Variants in MYLK4 observed in about 807,000 individuals in gnomAD.
The protein encoded by MYLK4 is caMLCK like.
A neutral mutation model predicts 48.1 loss-of-function variants in MYLK4; 46 were observed. The observed-to-expected ratio is 0.96, with a 90% CI of 0.75 to 1.22. MYLK4 has a LOEUF of 1.22. Among genes scored for constraint, MYLK4 ranks in the 50% most tolerant of loss-of-function variants. The pLI is 0.00. For missense variants in MYLK4, 451 were observed against 486.1 expected (o/e 0.93, Z 0.68); for synonymous variants, 170 against 180.8 (o/e 0.94, Z 0.48).
rs1269557616 is a variant in MYLK4 at position 2,692,695 on chromosome 6, A to G, written c.235+89T>C. The G allele has an allele frequency of 3.9e-6, 4 of 1,020,600 alleles. No homozygotes were observed. The East Asian group carries it at 1.0e-4, about 26-fold the overall frequency. The allele number at this position is 1,020,600 out of a possible 1,614,324, so 63.2% of individuals were successfully genotyped here. On this transcript the variant is annotated intron_variant, in intron 3 of 12. Coordinates refer to ENST00000274643, the MANE Select transcript of MYLK4 (RefSeq NM_001012418.5). ...ATCACTTCTTCCTGCACAGGGCTTT[A>G]TGAATGTGCAACTTCCTCTGAATAA...
At chr6:2,728,823 T>A (rs939638162) in intron 2 of MYLK4, among the ~76,000 whole-genome samples, 1 of 152,200 alleles carries the variant, frequency 6.6e-6, no homozygotes, top group Non-Finnish European at 1.5e-5. Flanking sequence ...CCCTGGCATC[T>A]CTTTCTTCTT....
At chr6:2,766,311 C>T in the MYLK4 span, 81 of 1,609,808 alleles carry the variant, frequency 5.0e-5, no homozygotes, top group Non-Finnish European at 6.3e-5. Flanking sequence ...CTGGCCGACA[C>T]GATGCGTCCT....
At chr6:2,694,043 G>A (rs574844841) in intron 2 of MYLK4, among the ~76,000 whole-genome samples, 2 of 152,336 alleles carry the variant, frequency 1.3e-5, no homozygotes, top group Non-Finnish European at 2.9e-5. Flanking sequence ...ACAGGTGTGA[G>A]CCAACATGTC....
intron 10 of MYLK4, among the ~76,000 whole-genome samples, chr6:2,675,832 C>A (rs939115844): frequency 3.9e-5 from 6 of 152,236 alleles, no homozygotes; most frequent in Middle Eastern, 3.4e-3. Context: ...ATGGCTCATG[C>A]CTGTAATCCC....
chr6:2,700,141 CG>C (rs1305034097), intron 2 of MYLK4, among the ~76,000 whole-genome samples: 1 of 152,132 alleles, frequency 6.6e-6, no homozygotes, highest in Non-Finnish European at 1.5e-5. Flanking sequence ...ACAGAGAAAA[CG>C]CTGAGTCCTC....
intron 2 of MYLK4, among the ~76,000 whole-genome samples, chr6:2,739,782 A>G (rs1208650190): frequency 6.6e-6 from 1 of 152,264 alleles, no homozygotes; most frequent in African/African-American, 2.4e-5. Flanking sequence ...ACTTAAGCAC[A>G]TAAGAGAAAT....
intron 2 of MYLK4, among the ~76,000 whole-genome samples, chr6:2,747,852 G>A (rs936013043): frequency 6.6e-6 from 1 of 152,160 alleles, no homozygotes; most frequent in African/African-American, 2.4e-5. Flanking sequence ...TTGTACCACT[G>A]AAAACCCTAA....
In MYLK4 at chr6:2,725,475, A is replaced by G. The variant is rs190702912; in HGVS notation, c.159+23661T>C. Among the ~76,000 whole-genome samples, 138 of 151,920 alleles carry G rather than the reference A, an allele frequency of 9.1e-4. No individual in the cohort carries two copies. In the Middle Eastern group the frequency reaches 0.031, roughly 34 times the overall value. On this transcript the variant is annotated intron_variant, in intron 2 of 12. Transcript: ENST00000274643. The stretch of plus-strand genomic sequence containing the variant: ...GGGTGACACAGTAAGGCCCCATCTC[A>G]AGAAAGAAAGGAAGAAAGAGAGGGG...
At chr6:2,770,281 G>A in the MYLK4 span, 7 of 1,613,992 alleles carry the variant, frequency 4.3e-6, no homozygotes, top group African/African-American at 8.0e-5. Context: ...TAATGCGAGC[G>A]ATCAACTCCC....
Position 2,731,517 on chromosome 6 carries a change from A to C in MYLK4, c.159+17619T>G, listed in dbSNP as rs117550147. Among the ~76,000 whole-genome samples the C allele has an allele frequency of 3.0e-3, 453 of 152,270 alleles. 10 individuals carry two copies. In the East Asian group the frequency reaches 0.075, roughly 25 times the overall value. ...CTGGCTTTAGTCCCTGCTATCCTTC[A>C]GGTGCAGATGAAACTTCACCTGCTC... On this transcript the variant is annotated intron_variant, in intron 2 of 12. Transcript: ENST00000274643.
At chr6:2,699,999 T>C (rs1007833774) in intron 2 of MYLK4, among the ~76,000 whole-genome samples, 1 of 152,230 alleles carries the variant, frequency 6.6e-6, no homozygotes, top group South Asian at 2.1e-4. Context: ...CACCTACCTA[T>C]GTGGCCACAG....
chr6:2,738,263 G>C (rs1296198859), intron 2 of MYLK4, among the ~76,000 whole-genome samples: 2 of 152,200 alleles, frequency 1.3e-5, no homozygotes, highest in African/African-American at 4.8e-5. Flanking sequence ...TCTATCTTTA[G>C]TGAAATGTCA....
chr6:2,668,495 G>A (rs865967334), intron 12 of MYLK4, among the ~76,000 whole-genome samples: 2 of 152,168 alleles, frequency 1.3e-5, no homozygotes, highest in East Asian at 1.9e-4. Flanking sequence ...CTAACAAATT[G>A]TAGGAGACAT....
the MYLK4 span, chr6:2,769,973 T>C: frequency 1.7e-6 from 2 of 1,165,142 alleles, no homozygotes; most frequent in Non-Finnish European, 2.4e-6. Context: ...ATATTGCATC[T>C]ATATTCAGTG....
chr6:2,714,510 T>C (rs6596896), intron 2 of MYLK4, among the ~76,000 whole-genome samples: 130,810 of 152,284 alleles, frequency 0.86, 56,261 homozygotes, highest in Admixed American at 0.89. Flanking sequence ...CTAACGTCAC[T>C]GGCTCATCCT....
rs530960447 is a variant in MYLK4 at position 2,718,316 on chromosome 6, CTGAG to C, written c.160-25461_160-25458del. ...ATGTACTTCCAACATTGTCTACAGACTGAGTGAGTCATAGATTGCTAGTAGCCTA... is the reference window on the plus strand; with the variant it reads ...ATGTACTTCCAACATTGTCTACAGACTGAGTCATAGATTGCTAGTAGCCTA... On this transcript the variant is annotated intron_variant, in intron 2 of 12. Transcript: ENST00000274643. Among the ~76,000 whole-genome samples the C allele has an allele frequency of 2.0e-4, 30 of 152,300 alleles. No homozygotes were observed. In the South Asian group the frequency reaches 2.1e-3, roughly 11 times the overall value.
At chr6:2,749,446 T>A (rs1471742899) in intron 1 of MYLK4, 40 bp from the exon 2 acceptor site, 1 of 550,300 alleles carries the variant, frequency 1.8e-6, no homozygotes, top group Non-Finnish European at 3.1e-6. Flanking sequence ...CATCACGTAT[T>A]CATGCATTTG....
At chr6:2,749,079 T>G (rs1582133677) in intron 2 of MYLK4, 57 bp downstream of exon 2, 2 of 1,517,298 alleles carry the variant, frequency 1.3e-6, no homozygotes, top group East Asian at 4.5e-5. Context: ...TCCATGACAT[T>G]AGAAAAGATA....
the MYLK4 span, among the ~76,000 whole-genome samples, chr6:2,758,406 G>A: frequency 6.6e-6 from 1 of 150,882 alleles, no homozygotes; most frequent in Non-Finnish European, 1.5e-5. Context: ...TAACAAAAAT[G>A]TTATAAGTAT....
Sources: allele counts gnomAD v4.1 joint callset (sites outside exome capture counted in the v4.1 genomes callset), GRCh38; gene constraint gnomAD v4.1.1; transcripts MANE v1.5; gene names NCBI Gene and HGNC (gene_info 2026-07-23, HGNC 2026-07-21).